GLIS3: variants seen among roughly 807,000 people sequenced by gnomAD.
GLIS3 encodes GLIS family zinc finger 3.
A neutral mutation model predicts 78.6 loss-of-function variants in GLIS3; 53 were observed. The ratio of observed to expected loss-of-function variants is 0.67; its 90% confidence interval spans 0.54 to 0.85. The LOEUF is 0.85. Ranked by LOEUF, GLIS3 falls within the 40% of genes least tolerant of loss-of-function variation. The pLI, the probability that GLIS3 is intolerant of heterozygous loss-of-function variation, is 0.00. For synonymous variants in GLIS3, 684 were observed against 509.9 expected, an observed-to-expected ratio of 1.34 and a Z score of -4.60; for missense variants, 1,703 against 1,231.1, an observed-to-expected ratio of 1.38 and a Z score of -5.74.
intron 2 of GLIS3, among the ~76,000 whole-genome samples, chr9:4,319,378 A>C (rs754238890): frequency 3.3e-5 from 5 of 152,210 alleles, no homozygotes; most frequent in Non-Finnish European, 5.9e-5. Flanking sequence ...AAATGTTAAC[A>C]ACTGGTGAAT....
At chr9:4,354,273 A>G in the GLIS3 span, among the ~76,000 whole-genome samples, 1 of 152,116 alleles carries the variant, frequency 6.6e-6, no homozygotes, top group Non-Finnish European at 1.5e-5. Context: ...CTCCAGCCAA[A>G]CTTCCTGAGA....
the GLIS3 span, among the ~76,000 whole-genome samples, chr9:4,474,633 G>C: frequency 6.6e-6 from 1 of 151,684 alleles, no homozygotes; most frequent in East Asian, 1.9e-4. Flanking sequence ...CATACCTTTG[G>C]AGTAAGCAAA....
chr9:4,457,474 T>C, the GLIS3 span, among the ~76,000 whole-genome samples: 1 of 152,118 alleles, frequency 6.6e-6, no homozygotes, highest in African/African-American at 2.4e-5. Flanking sequence ...CATCTTTCAC[T>C]CTTAACACCC....
intron 4 of GLIS3, among the ~76,000 whole-genome samples, chr9:4,029,904 T>C (rs781179648): frequency 5.9e-5 from 9 of 152,224 alleles, no homozygotes; most frequent in Non-Finnish European, 1.3e-4. Context: ...GCAACAAACA[T>C]AGGAGTGCAG....
intron 4 of GLIS3, among the ~76,000 whole-genome samples, chr9:4,011,960 AGTCAGAAAGGTGACAG>A (rs1287983038): frequency 6.6e-6 from 1 of 152,178 alleles, no homozygotes; most frequent in African/African-American, 2.4e-5. Context: ...TGGCATCAGA[AGTCAGAAAGGTGACAG>A]GGGAGGGGGA....
intron 3 of GLIS3, among the ~76,000 whole-genome samples, chr9:4,120,606 G>C (rs755763750): frequency 2.6e-5 from 4 of 152,186 alleles, no homozygotes; most frequent in African/African-American, 7.2e-5. Context: ...CAGCAAGATC[G>C]AGGAATTGCT....
intron 6 of GLIS3, among the ~76,000 whole-genome samples, chr9:3,913,792 C>T (rs1385979275): frequency 6.6e-6 from 1 of 152,176 alleles, no homozygotes; most frequent in African/African-American, 2.4e-5. Context: ...TATGTGTGCA[C>T]ATCATAAAAG....
At chr9:4,350,336 C>A (rs987833275), upstream of GLIS3, among the ~76,000 whole-genome samples, 1 of 152,186 alleles carries the variant, frequency 6.6e-6, no homozygotes, top group African/African-American at 2.4e-5. Flanking sequence ...CTTAAAGAGA[C>A]TATTTCAGTT....
chr9:4,383,485 G>A, the GLIS3 span, among the ~76,000 whole-genome samples: 1 of 152,086 alleles, frequency 6.6e-6, no homozygotes, highest in African/African-American at 2.4e-5. Context: ...CTTCACTTCT[G>A]GCAGAAGCTG....
intron 4 of GLIS3, among the ~76,000 whole-genome samples, chr9:4,110,601 G>C (rs1831129412): frequency 6.6e-6 from 1 of 152,082 alleles, no homozygotes; most frequent in Non-Finnish European, 1.5e-5. Context: ...ACACCTATTA[G>C]ACAGATTGGT....
chr9:3,914,128 C>T (rs1338654742), intron 6 of GLIS3, among the ~76,000 whole-genome samples: 1 of 71,414 alleles, frequency 1.4e-5, no homozygotes, highest in Non-Finnish European at 2.7e-5. Context: ...TAAAAAGACA[C>T]TTGGGTAGTT....
At chr9:4,287,390 G>A (rs1014212185) in intron 1 of GLIS3, among the ~76,000 whole-genome samples, 2 of 152,134 alleles carry the variant, frequency 1.3e-5, no homozygotes, top group East Asian at 1.9e-4. Flanking sequence ...TGACATGATC[G>A]CAGGACGTCA....
chr9:3,975,280 G>A (rs775042051), intron 4 of GLIS3: 3 of 152,090 alleles, frequency 2.0e-5, no homozygotes, highest in Non-Finnish European at 4.4e-5. Flanking sequence ...TACAAAACAA[G>A]TACACTCCCA....
chr9:4,013,884 T>C (rs1416663165), intron 4 of GLIS3, among the ~76,000 whole-genome samples: 3 of 152,148 alleles, frequency 2.0e-5, no homozygotes, highest in Non-Finnish European at 4.4e-5. Context: ...TTGTCAGGAA[T>C]TGAGAGAGGC....
intron 4 of GLIS3, among the ~76,000 whole-genome samples, chr9:3,940,857 A>T (rs1465630997): frequency 6.6e-6 from 1 of 152,210 alleles, no homozygotes; most frequent in African/African-American, 2.4e-5. Context: ...TTTCCCAAAA[A>T]ATACTGAGTA....
the GLIS3 span, among the ~76,000 whole-genome samples, chr9:4,367,266 C>T: frequency 6.6e-6 from 1 of 152,194 alleles, no homozygotes; most frequent in South Asian, 2.1e-4. Flanking sequence ...ATTTGTTGAA[C>T]TCTCTCCCTT....
intron 4 of GLIS3, chr9:4,054,418 G>T (rs1393204877): frequency 1.0e-6 from 1 of 985,246 alleles, no homozygotes; most frequent in African/African-American, 1.7e-5. Context: ...TTTAACGGTT[G>T]GTTACAAACA....
At chr9:4,252,789 G>A (rs1824523064) in intron 2 of GLIS3, among the ~76,000 whole-genome samples, 1 of 152,122 alleles carries the variant, frequency 6.6e-6, no homozygotes, top group Non-Finnish European at 1.5e-5. Context: ...TTTGCGTGGG[G>A]TTTTTGTGTG....
In GLIS3 at chr9:4,155,142, A is replaced by C. The variant is rs182792696; in HGVS notation, c.389-29201T>G. Among the ~76,000 whole-genome samples, 8 of 152,356 alleles carry C rather than the reference A, an allele frequency of 5.3e-5. No individual in the cohort carries two copies. In the East Asian group the frequency reaches 1.5e-3, roughly 29 times the overall value. On this transcript the variant is annotated intron_variant, in intron 2 of 10. Coordinates refer to ENST00000381971, the MANE Select transcript of GLIS3 (RefSeq NM_001042413.2). ...CTTTTATTCTTTTTTCGGTATTTAAAAAATGTTCTGCAATAAACATACATA... is the reference window on the plus strand; with the variant it reads ...CTTTTATTCTTTTTTCGGTATTTAACAAATGTTCTGCAATAAACATACATA...
Sources: gnomAD v4.1 joint callset for allele counts (sites outside exome capture counted in the v4.1 genomes callset) on GRCh38, gnomAD v4.1.1 for gene constraint, MANE v1.5 for transcripts, NCBI Gene and HGNC (gene_info 2026-07-23, HGNC 2026-07-21) for gene names.